MAP3K11: variants seen among roughly 807,000 people sequenced by gnomAD.
MAP3K11 encodes mitogen-activated protein kinase kinase kinase 11.
Under a neutral mutation model 84.9 loss-of-function variants are expected in MAP3K11, and 46 were observed. That is an observed-to-expected ratio of 0.54 (90% confidence interval 0.43 to 0.69). MAP3K11 has a LOEUF of 0.69. Ranked by LOEUF, MAP3K11 falls within the 30% of genes least tolerant of loss-of-function variation. MAP3K11 has a pLI of 0.00. For synonymous variants in MAP3K11, 527 were observed against 514.7 expected, an observed-to-expected ratio of 1.02 and a Z score of -0.32; for missense variants, 1,053 against 1,198.3, an observed-to-expected ratio of 0.88 and a Z score of 1.79.
Position 65,614,072 on chromosome 11 carries a change from C to G in MAP3K11, c.-316G>C, listed in dbSNP as rs1056365550. The G allele has an allele frequency of 3.2e-6, 1 of 314,954 alleles. No individual in the cohort carries two copies. 19.5% of individuals were successfully genotyped at this position (314,954 alleles called of 1,614,324 possible). A position where few individuals can be genotyped will look rare whatever the true frequency, so the allele number is the denominator to read the frequency against. On this transcript the variant is annotated 5_prime_UTR_variant, in exon 1 of 10. Transcript: ENST00000309100. ...CTGGAGCAGTCCTGGGAGCCTGGCT[C>G]CGGCCCCCGCCAAGTGTAAGGTGGG...
At chr11:65,605,924 TG>T (rs767500994) in intron 7 of MAP3K11, 21 bp downstream of exon 7, 3 of 1,607,790 alleles carry the variant, frequency 1.9e-6, no homozygotes, top group Non-Finnish European at 1.7e-6. Context: ...ATGCTGGGTC[TG>T]GGGGGCACTC....
At position 65,599,548 on chromosome 11, in the gene MAP3K11, C is replaced by T. The variant is rs766567022; in HGVS notation, c.2052G>A (p.Ala684=). ...AAGGGGGCGGCTCGGTCGGGCAGGG[C>T]GCGGGCGTTGGCGTGGGGGGTGTTG... The part of the protein sequence containing the change: ...SPTTPPTPTP[A]PCPTEPPPSP... The change falls in exon 9 of 10, where the codon GCG becomes GCA. Residue 684 remains alanine, a synonymous_variant. Coordinates refer to ENST00000309100, the MANE Select transcript of MAP3K11 (RefSeq NM_002419.4). The T allele has an allele frequency of 5.4e-6, 8 of 1,490,078 alleles. No individual in the cohort carries two copies. Among genetic ancestry groups the T allele is most frequent in the East Asian group, 5.2e-5 (2 of 38,170 alleles). The allele number at this position is 1,490,078 out of a possible 1,614,324, so 92.3% of individuals were successfully genotyped here.
At chr11:65,608,734 C>T in intron 1 of MAP3K11, 1 of 347,532 alleles carries the variant, frequency 2.9e-6, no homozygotes, top group Non-Finnish European at 5.3e-6. Context: ...TGTCCTGCCC[C>T]AGCCTCCCGA....
chr11:65,613,884 C>G lies in MAP3K11; in HGVS notation c.-128G>C, dbSNP rs1854617990. The G allele has an allele frequency of 9.4e-6, 10 of 1,067,456 alleles. No homozygotes were observed. The South Asian group carries it at 1.5e-4, about 16-fold the overall frequency. 66.1% of individuals were successfully genotyped at this position (1,067,456 alleles called of 1,614,324 possible). On this transcript the variant is annotated 5_prime_UTR_variant, in exon 1 of 10. Coordinates refer to ENST00000309100, the MANE Select transcript of MAP3K11 (RefSeq NM_002419.4). ...GGGCCCTGGCCCTCAGCCCCAGACC[C>G]ACGCCTCTCTGGGGAGCCAGGAGTG...
chr11:65,601,585 T>C (rs1351852681), intron 8 of MAP3K11, among the ~76,000 whole-genome samples: 2 of 151,204 alleles, frequency 1.3e-5, no homozygotes, highest in Non-Finnish European at 2.9e-5. Context: ...TGAAACCCTG[T>C]CTCTACTAAA....
intron 8 of MAP3K11, among the ~76,000 whole-genome samples, chr11:65,604,755 C>T (rs945819563): frequency 5.3e-5 from 8 of 151,798 alleles, no homozygotes; most frequent in Admixed American, 2.6e-4. Context: ...TGAGTTTAAA[C>T]GGCTTGCTGA....
Position 65,607,638 on chromosome 11 carries a change from C to T in MAP3K11, c.1245+3G>A. The T allele has an allele frequency of 6.2e-7, 1 of 1,602,588 alleles. No individual in the cohort carries two copies. Among genetic ancestry groups the T allele is most frequent in the South Asian group, 1.1e-5 (1 of 90,330 alleles). ...CAACGCTGGGTCCCTTGATTCCTCG[C>T]ACCTTTTCCTTGGCTCGCAGCTCGT... On this transcript the variant is annotated splice_donor_region_variant and intron_variant, in intron 4 of 9. Coordinates refer to ENST00000309100, the MANE Select transcript of MAP3K11 (RefSeq NM_002419.4).
chr11:65,610,114 C>A, intron 1 of MAP3K11: 1 of 152,778 alleles, frequency 6.5e-6, no homozygotes. Context: ...TCCCTCTCCC[C>A]ACTGGCATCT....
intron 4 of MAP3K11, 26 bp downstream of exon 4, chr11:65,607,615 A>G (rs1854527032): frequency 3.8e-6 from 6 of 1,586,342 alleles, no homozygotes; most frequent in Admixed American, 1.7e-5. Flanking sequence ...ACTCGTTCCA[A>G]CGCTGGGTCC....
chr11:65,599,500 G>C lies in MAP3K11; in HGVS notation c.2100C>G (p.Leu700=). Residue 700 remains leucine, a synonymous_variant, in exon 9 of 10, where the codon CTC becomes CTG. Transcript: ENST00000309100. ...PPPSPLICFS[L]KTPDSPPTPA... ...GAGTGGGCGGGGAGTCGGGCGTCTT[G>C]AGCGAGAAGCAGATGAGCGGGGAAG... is the stretch of plus-strand genomic sequence containing the variant. 1.3e-6 allele frequency: 2 copies of C among 1,498,048 alleles called. No homozygotes were observed. The highest frequency in any genetic ancestry group is 1.3e-5 in the South Asian group (1 of 76,774). 92.8% of individuals were successfully genotyped at this position (1,498,048 alleles called of 1,614,324 possible). A position where few individuals can be genotyped will look rare whatever the true frequency, so the allele number is the denominator to read the frequency against.
intron 8 of MAP3K11, 133 bp from the exon 9 acceptor site, chr11:65,599,901 C>T (rs1854437622): frequency 3.2e-6 from 3 of 931,520 alleles, no homozygotes; most frequent in Non-Finnish European, 4.8e-6. Flanking sequence ...CCCACAGGTC[C>T]CATGGCCTCC....
chr11:65,612,770 C>T (rs1854587079), intron 1 of MAP3K11: 2 of 398,196 alleles, frequency 5.0e-6, no homozygotes, highest in South Asian at 1.0e-4. Flanking sequence ...ATACCAATTT[C>T]TTAACTTGTC....
Position 65,613,690 on chromosome 11 carries a change from C to A in MAP3K11, c.67G>T (p.Gly23Cys), listed in dbSNP as rs753790026. ...CGGCCTCCTCCACCGCCCCCACCAC[C>A]CCCGCTGCCACTGCCATTCCATGAC... The part of the protein sequence containing the change: ...LGSWNGSGSG[G>C]GGGGGGGRPE... Residue 23 changes from glycine (G) to cysteine (C), a missense_variant, in exon 1 of 10, where the codon GGT (glycine) becomes TGT (cysteine). Coordinates refer to ENST00000309100, the MANE Select transcript of MAP3K11 (RefSeq NM_002419.4). 6.2e-7 allele frequency: 1 copy of A among 1,609,276 alleles called. No individual in the cohort carries two copies. The highest frequency in any genetic ancestry group is 8.5e-7 in the Non-Finnish European group (1 of 1,178,582).
Position 65,598,532 on chromosome 11 carries a change from C to T in MAP3K11, c.2303G>A (p.Arg768Gln), listed in dbSNP as rs1390785873. The T allele has an allele frequency of 2.5e-6, 4 of 1,612,232 alleles. No individual in the cohort carries two copies. The highest frequency in any genetic ancestry group is 3.4e-6 in the Non-Finnish European group (4 of 1,179,136). The change falls in exon 10 of 10, where the codon CGG becomes CAG. Residue 768 changes from arginine to glutamine, a missense_variant. Transcript: ENST00000309100. ...SPPLGLISRP[R>Q]PSPLRSRIDP... ...AATGCGGCTGCGAAGGGGCGAGGGCCGAGGTCGGCTGATGAGGCCCAGGGG... is the reference window on the plus strand; with the variant it reads ...AATGCGGCTGCGAAGGGGCGAGGGCTGAGGTCGGCTGATGAGGCCCAGGGG...
chr11:65,606,709 G>T lies in MAP3K11; in HGVS notation c.1585C>A (p.Arg529=), dbSNP rs774744644. The change falls in exon 6 of 10, where the codon CGG becomes AGG. Residue 529 remains arginine (R), a synonymous_variant. Coordinates refer to ENST00000309100, the MANE Select transcript of MAP3K11 (RefSeq NM_002419.4). Reference sequence around the variant, plus strand: ...TTCTTACACTGGATGGCTCGGAACCGGGGAAAGGTGGGCGAATCCCCAGGC... The same window carrying T: ...TTCTTACACTGGATGGCTCGGAACCTGGGAAAGGTGGGCGAATCCCCAGGC... ...VGPGDSPTFP[R]FRAIQLEPAE... 4 of 1,600,182 alleles carry T rather than the reference G, an allele frequency of 2.5e-6. No individual in the cohort carries two copies. Among genetic ancestry groups the T allele is most frequent in the Non-Finnish European group, 3.4e-6 (4 of 1,174,078 alleles).
intron 8 of MAP3K11, among the ~76,000 whole-genome samples, chr11:65,601,825 GT>G (rs1378330435): frequency 2.2e-4 from 2 of 9,176 alleles, no homozygotes; most frequent in African/African-American, 2.3e-4. Context: ...CAACCACGAG[GT>G]TATCATATCA....
chr11:65,606,908 C>G, intron 5 of MAP3K11, 104 bp from the exon 6 acceptor site: 2 of 717,534 alleles, frequency 2.8e-6, no homozygotes, highest in Non-Finnish European at 4.8e-6. Context: ...ACATAGGGAG[C>G]GGCACGATGG....
chr11:65,610,057 C>T (rs1252447215), intron 1 of MAP3K11: 4 of 152,564 alleles, frequency 2.6e-5, no homozygotes, highest in Non-Finnish European at 4.4e-5. Context: ...CTCTCCTCAA[C>T]CTCTGCCCAC....
intron 1 of MAP3K11, 176 bp downstream of exon 1, chr11:65,612,842 G>A: frequency 1.7e-6 from 1 of 573,812 alleles, no homozygotes; most frequent in East Asian, 3.4e-5. Context: ...GACTCTGCTG[G>A]GTGCCTGGGG....
Sources: gnomAD v4.1 joint callset for allele counts (sites outside exome capture counted in the v4.1 genomes callset) on GRCh38, gnomAD v4.1.1 for gene constraint, MANE v1.5 for transcripts, NCBI Gene and HGNC (gene_info 2026-07-23, HGNC 2026-07-21) for gene names.